Variants in SAMD12 observed in about 807,000 individuals in gnomAD.
The protein encoded by SAMD12 is sterile alpha motif domain-containing protein 12.
Under a neutral mutation model 15.0 loss-of-function variants are expected in SAMD12, and 9 were observed. The ratio of observed to expected loss-of-function variants is 0.60; its 90% CI spans 0.36 to 1.05. SAMD12 has a LOEUF of 1.05. Ranked by LOEUF, SAMD12 falls within the 50% of genes least tolerant of loss-of-function variation. The probability of loss-of-function intolerance (pLI) is 0.01; values close to 1 mark genes in which losing one functional copy is unlikely to be tolerated. For synonymous variants in SAMD12, 86 were observed against 90.1 expected (o/e 0.96, Z 0.25); for missense variants, 230 against 234.2 (o/e 0.98, Z 0.12).
chr8:118,245,241 G>A (rs1436916739), intron 4 of SAMD12, among the ~76,000 whole-genome samples: 1 of 152,116 alleles, frequency 6.6e-6, no homozygotes, highest in Admixed American at 6.5e-5. Flanking sequence ...AGTTTACTAA[G>A]AAGCCTCGAG....
At chr8:118,383,573 C>T (rs939469559) in intron 3 of SAMD12, among the ~76,000 whole-genome samples, 1 of 152,140 alleles carries the variant, frequency 6.6e-6, no homozygotes, top group Non-Finnish European at 1.5e-5. Context: ...CTCTTGGCCA[C>T]CTTGCTCTGC....
At chr8:118,480,049 T>C (rs567133881) in intron 2 of SAMD12, among the ~76,000 whole-genome samples, 19 of 152,314 alleles carry the variant, frequency 1.2e-4, no homozygotes, top group African/African-American at 4.6e-4. Context: ...AAGAAAAAAT[T>C]AGGCATGCGC....
chr8:118,415,016 C>T (rs1821609727), intron 3 of SAMD12, among the ~76,000 whole-genome samples: 1 of 152,192 alleles, frequency 6.6e-6, no homozygotes, highest in Non-Finnish European at 1.5e-5. Context: ...ACAATTAAAA[C>T]AGTAAAGCTT....
chr8:118,538,294 C>T (rs1328800556), intron 2 of SAMD12, among the ~76,000 whole-genome samples: 1 of 152,122 alleles, frequency 6.6e-6, no homozygotes, highest in African/African-American at 2.4e-5. Flanking sequence ...CCCTCAAGTC[C>T]ACTGGCTACA....
chr8:118,516,695 G>A (rs902090504), intron 2 of SAMD12, among the ~76,000 whole-genome samples: 4 of 150,232 alleles, frequency 2.7e-5, no homozygotes, highest in Non-Finnish European at 5.9e-5. Flanking sequence ...ATGGAGTGCA[G>A]TGGTGCGATC....
chr8:118,270,218 T>C (rs1257857338), intron 4 of SAMD12, among the ~76,000 whole-genome samples: 3 of 152,200 alleles, frequency 2.0e-5, no homozygotes, highest in African/African-American at 7.2e-5. Context: ...TAACTTCTTC[T>C]GAGTTTATGG....
chr8:118,272,171 T>C (rs1813372087), intron 4 of SAMD12, among the ~76,000 whole-genome samples: 2 of 152,194 alleles, frequency 1.3e-5, no homozygotes, highest in African/African-American at 4.8e-5. Context: ...CAGGCAGAGG[T>C]TTCCAAACCT....
At chr8:118,548,051 C>T (rs1187419850) in intron 2 of SAMD12, among the ~76,000 whole-genome samples, 1 of 151,942 alleles carries the variant, frequency 6.6e-6, no homozygotes, top group African/African-American at 2.4e-5. Flanking sequence ...AAACCACAGC[C>T]CAGGAGGACC....
At chr8:118,517,603 C>T (rs1009157130) in intron 2 of SAMD12, among the ~76,000 whole-genome samples, 4 of 152,292 alleles carry the variant, frequency 2.6e-5, no homozygotes, top group African/African-American at 9.6e-5. Flanking sequence ...AAAACCACAA[C>T]GGCCCATGCA....
At chr8:118,403,950 G>A (rs1362311116) in intron 3 of SAMD12, among the ~76,000 whole-genome samples, 1 of 152,174 alleles carries the variant, frequency 6.6e-6, no homozygotes. Flanking sequence ...ATAAGTCTCA[G>A]TGTCATGTGT....
chr8:118,448,351 A>AT (rs779227524), intron 2 of SAMD12, among the ~76,000 whole-genome samples: 101 of 152,238 alleles, frequency 6.6e-4, no homozygotes, highest in Admixed American at 1.4e-3. Flanking sequence ...CAATTCTGTT[A>AT]TTTTTTCTAC....
At chr8:118,573,706 A>G (rs765179503) in intron 2 of SAMD12, among the ~76,000 whole-genome samples, 1 of 152,198 alleles carries the variant, frequency 6.6e-6, no homozygotes, top group Non-Finnish European at 1.5e-5. Flanking sequence ...GATATCATCA[A>G]CCATTCAACC....
chr8:118,361,915 A>T lies in SAMD12; in HGVS notation c.433+17645T>A, dbSNP rs866938318. Among the ~76,000 whole-genome samples, 4 of 152,358 alleles carry T rather than the reference A, an allele frequency of 2.6e-5. 1 individual carries two copies. The Middle Eastern group carries it at 0.01, about 389-fold the overall frequency. ...AGAAAATTCAAGCCTGGAGAACTGG[A>T]TTAATAAATATAAATGAATTCATTT... On this transcript the variant is annotated intron_variant, in intron 4 of 4. Coordinates refer to the SAMD12 transcript ENST00000409003.
chr8:118,255,478 C>A (rs1048415027), intron 4 of SAMD12, among the ~76,000 whole-genome samples: 48 of 150,326 alleles, frequency 3.2e-4, no homozygotes, highest in African/African-American at 1.0e-3. Flanking sequence ...AGCATTAGGT[C>A]TATCTCCTAA....
chr8:118,143,932 G>C, the SAMD12 span, among the ~76,000 whole-genome samples: 2 of 152,138 alleles, frequency 1.3e-5, no homozygotes, highest in Admixed American at 6.5e-5. Flanking sequence ...CAAAACAACA[G>C]AAATATATTT....
the SAMD12 span, among the ~76,000 whole-genome samples, chr8:118,165,534 G>T: frequency 6.4e-4 from 94 of 146,882 alleles, no homozygotes; most frequent in African/African-American, 2.2e-3. Flanking sequence ...GGTATTACAG[G>T]CATGGGCCAC....
chr8:118,211,295 G>A (rs1345737842), intron 4 of SAMD12, among the ~76,000 whole-genome samples: 1 of 152,200 alleles, frequency 6.6e-6, no homozygotes, highest in African/African-American at 2.4e-5. Flanking sequence ...TGTATTAGAA[G>A]CGATGGAGTC....
chr8:118,465,233 G>A (rs1204921288), intron 2 of SAMD12, among the ~76,000 whole-genome samples: 1 of 152,142 alleles, frequency 6.6e-6, no homozygotes, highest in African/African-American at 2.4e-5. Context: ...CACAGCCAAG[G>A]GTGAGAACCA....
chr8:118,599,135 T>C (rs1167810932), intron 1 of SAMD12, among the ~76,000 whole-genome samples: 1 of 152,190 alleles, frequency 6.6e-6, no homozygotes, highest in African/African-American at 2.4e-5. Context: ...TTCAACCACC[T>C]GGCCAACAGA....
Sources: allele counts gnomAD v4.1 joint callset (sites outside exome capture counted in the v4.1 genomes callset), GRCh38; gene constraint gnomAD v4.1.1; transcripts MANE v1.5; gene names NCBI Gene and HGNC (gene_info 2026-07-23, HGNC 2026-07-21).